Variants in SLC44A5 observed in about 807,000 individuals in gnomAD.
SLC44A5 encodes the protein choline transporter-like protein 5.
SLC44A5 carries 57 observed loss-of-function variants against 101.8 expected under a neutral mutation model. The ratio of observed to expected loss-of-function variants is 0.56; its 90% CI spans 0.45 to 0.70. SLC44A5 has a LOEUF of 0.70. Ranked by LOEUF, SLC44A5 falls within the 30% of genes least tolerant of loss-of-function variation. The pLI is 0.00. For synonymous variants in SLC44A5, 281 were observed against 290.9 expected (o/e 0.97, Z 0.35); for missense variants, 737 against 853.1 (o/e 0.86, Z 1.70).
In SLC44A5 at chr1:75,537,030, A is replaced by G. The variant is rs1301469164; in HGVS notation, c.13+4405T>C. ...CAAAAAAAAAAAAAAAAAAAAAAAA[A>G]AAAATATATATCTATGCCAAATGAT... On this transcript the variant is annotated intron_variant, in intron 2 of 23. Coordinates refer to ENST00000370859, the MANE Select transcript of SLC44A5 (RefSeq NM_001130058.2). 6.6e-3 allele frequency among the ~76,000 whole-genome samples: 382 copies of G among 57,960 alleles called. 40 individuals are homozygous for G. The highest frequency in any genetic ancestry group is 0.054 in the Admixed American group (239 of 4,404). The allele number at this position is 57,960 out of a possible 152,430, so 38.0% of individuals were successfully genotyped here.
At chr1:75,302,120 T>TTTTTTTG (rs1654524286) in intron 4 of SLC44A5, among the ~76,000 whole-genome samples, 1 of 138,242 alleles carries the variant, frequency 7.2e-6, no homozygotes, top group African/African-American at 2.7e-5. Flanking sequence ...TTGTTTTTTT[T>TTTTTTTG]TTTTTTTTTT....
intron 2 of SLC44A5, among the ~76,000 whole-genome samples, chr1:75,477,596 G>A (rs923713097): frequency 5.3e-5 from 8 of 152,186 alleles, no homozygotes; most frequent in East Asian, 1.9e-4. Context: ...CGAGAACTAC[G>A]TGAAGAATGC....
At chr1:75,694,544 G>T in the SLC44A5 span, among the ~76,000 whole-genome samples, 7 of 151,972 alleles carry the variant, frequency 4.6e-5, no homozygotes, top group Admixed American at 3.9e-4. Flanking sequence ...AGAATACTGT[G>T]TTTTTTCACT....
chr1:75,616,554 G>C, the SLC44A5 span, among the ~76,000 whole-genome samples: 2 of 152,200 alleles, frequency 1.3e-5, no homozygotes, highest in Non-Finnish European at 2.9e-5. Context: ...GCGGGAGGAC[G>C]GCACTGTCCC....
chr1:75,539,116 A>G (rs969799310), intron 2 of SLC44A5, among the ~76,000 whole-genome samples: 1 of 152,224 alleles, frequency 6.6e-6, no homozygotes, highest in African/African-American at 2.4e-5. Context: ...GACGAATTCA[A>G]GAGAATATAG....
At chr1:75,643,731 G>A in the SLC44A5 span, among the ~76,000 whole-genome samples, 1 of 152,252 alleles carries the variant, frequency 6.6e-6, no homozygotes, top group African/African-American at 2.4e-5. Flanking sequence ...CTGCGGCCAA[G>A]TAAGACATGG....
chr1:75,659,443 G>A, the SLC44A5 span, among the ~76,000 whole-genome samples: 34,594 of 60,030 alleles, frequency 0.58, 9,123 homozygotes, highest in Middle Eastern at 0.72. Flanking sequence ...GAGGGAGGGA[G>A]GGAAGGAAGG....
the SLC44A5 span, among the ~76,000 whole-genome samples, chr1:75,697,196 T>G: frequency 6.6e-6 from 1 of 152,142 alleles, no homozygotes; most frequent in African/African-American, 2.4e-5. Context: ...CTGCTTGAGG[T>G]CAGGAGTTCA....
the SLC44A5 span, among the ~76,000 whole-genome samples, chr1:75,690,218 G>C: frequency 7.2e-5 from 11 of 152,272 alleles, no homozygotes; most frequent in Admixed American, 3.9e-4. Context: ...TTACAATCAT[G>C]GCAGAAGGTG....
At chr1:75,479,058 A>G (rs1411883004) in intron 2 of SLC44A5, among the ~76,000 whole-genome samples, 1 of 152,224 alleles carries the variant, frequency 6.6e-6, no homozygotes, top group Non-Finnish European at 1.5e-5. Flanking sequence ...TATCTCTCAG[A>G]CCACAGTGCA....
intron 3 of SLC44A5, among the ~76,000 whole-genome samples, chr1:75,378,841 G>A (rs367819896): frequency 2.5e-5 from 2 of 81,250 alleles, no homozygotes; most frequent in Non-Finnish European, 4.2e-5. Context: ...ACTGGCCGCC[G>A]GCTGAACTTC....
chr1:75,648,116 T>C, the SLC44A5 span, among the ~76,000 whole-genome samples: 1 of 152,166 alleles, frequency 6.6e-6, no homozygotes, highest in Admixed American at 6.5e-5. Flanking sequence ...TGGGAAGCAA[T>C]TAGATCATGG....
chr1:75,489,406 C>T (rs541099569), intron 2 of SLC44A5, among the ~76,000 whole-genome samples: 4 of 152,310 alleles, frequency 2.6e-5, no homozygotes, highest in African/African-American at 9.6e-5. Context: ...AGAGCCAGCT[C>T]TCAGATATTC....
chr1:75,456,132 G>T (rs1274045584), intron 2 of SLC44A5, among the ~76,000 whole-genome samples: 1 of 152,070 alleles, frequency 6.6e-6, no homozygotes, highest in Non-Finnish European at 1.5e-5. Flanking sequence ...CAATGGATTG[G>T]ACAAGGAAAA....
intron 4 of SLC44A5, among the ~76,000 whole-genome samples, chr1:75,317,937 G>A (rs936166527): frequency 6.6e-6 from 1 of 152,038 alleles, no homozygotes. Flanking sequence ...AAATTCTGGG[G>A]GACACAAACC....
the SLC44A5 span, among the ~76,000 whole-genome samples, chr1:75,693,694 G>A: frequency 6.6e-6 from 1 of 152,122 alleles, no homozygotes; most frequent in South Asian, 2.1e-4. Flanking sequence ...AGGTTCAGGA[G>A]ATAAGGAGAA....
At chr1:75,590,753 C>T (rs1557940499) in intron 1 of SLC44A5, among the ~76,000 whole-genome samples, 3 of 152,130 alleles carry the variant, frequency 2.0e-5, no homozygotes, top group Admixed American at 6.5e-5. Context: ...GGAAGGACTA[C>T]ATCTTGCAGT....
intron 1 of SLC44A5, among the ~76,000 whole-genome samples, chr1:75,545,626 C>T (rs1671603943): frequency 6.6e-6 from 1 of 152,094 alleles, no homozygotes. Context: ...CAGGCTTCTC[C>T]ACTTTTCATT....
At chr1:75,584,273 G>A (rs1214135252) in intron 1 of SLC44A5, among the ~76,000 whole-genome samples, 1 of 152,184 alleles carries the variant, frequency 6.6e-6, no homozygotes. Context: ...GAAAGTAAGA[G>A]CAGTGCAGCA....
Sources: allele counts gnomAD v4.1 joint callset (sites outside exome capture counted in the v4.1 genomes callset), GRCh38; gene constraint gnomAD v4.1.1; transcripts MANE v1.5; gene names NCBI Gene and HGNC (gene_info 2026-07-23, HGNC 2026-07-21).